The following CSMD1 variants were observed in gnomAD, a reference collection of about 807,000 sequenced individuals.
The protein encoded by CSMD1 is CUB and sushi domain-containing protein 1.
In CSMD1, 213 loss-of-function variants were observed where a neutral mutation model predicts 417.5. The observed-to-expected ratio is 0.51, with a 90% confidence interval of 0.46 to 0.57. The LOEUF (loss-of-function observed/expected upper bound fraction) is 0.57. Ranked by LOEUF, CSMD1 falls within the 20% of genes least tolerant of loss-of-function variation. CSMD1 has a pLI of 0.00. For missense variants in CSMD1, 6,923 were observed against 4,529.7 expected (o/e 1.53, Z -15.17); for synonymous variants, 2,862 against 1,736.8 (o/e 1.65, Z -16.11).
intron 22 of CSMD1, among the ~76,000 whole-genome samples, chr8:3,345,168 A>G (rs1371603349): frequency 6.6e-6 from 1 of 152,200 alleles, no homozygotes; most frequent in Non-Finnish European, 1.5e-5. Flanking sequence ...GTCCTGACAC[A>G]CTGTAGGTTC....
chr8:4,824,087 C>CACAT (rs1799675979), intron 1 of CSMD1, among the ~76,000 whole-genome samples: 1 of 131,410 alleles, frequency 7.6e-6, no homozygotes, highest in South Asian at 2.3e-4. Flanking sequence ...AATATCCACA[C>CACAT]ACACACACAC....
At chr8:3,733,352 T>C (rs967008970) in intron 6 of CSMD1, among the ~76,000 whole-genome samples, 1 of 147,836 alleles carries the variant, frequency 6.8e-6, no homozygotes, top group Non-Finnish European at 1.5e-5. Flanking sequence ...ATATATATTA[T>C]ATATATAATA....
chr8:3,941,412 A>T (rs1275905493), intron 5 of CSMD1, among the ~76,000 whole-genome samples: 1 of 152,164 alleles, frequency 6.6e-6, no homozygotes, highest in Non-Finnish European at 1.5e-5. Context: ...AAAATTGTAA[A>T]TATTTCTGTC....
chr8:4,702,853 C>A (rs1241430096), intron 1 of CSMD1, among the ~76,000 whole-genome samples: 2 of 151,948 alleles, frequency 1.3e-5, no homozygotes, highest in Non-Finnish European at 2.9e-5. Flanking sequence ...TAATGGATAA[C>A]ATTATTAAAG....
At chr8:4,446,742 T>G (rs929768423) in intron 2 of CSMD1, among the ~76,000 whole-genome samples, 1 of 116,454 alleles carries the variant, frequency 8.6e-6, no homozygotes, top group Admixed American at 9.1e-5. Flanking sequence ...TCTGTGTGTG[T>G]GTGTGTGTGT....
chr8:4,364,621 G>A (rs557537176), intron 3 of CSMD1, among the ~76,000 whole-genome samples: 1 of 18,272 alleles, frequency 5.5e-5, no homozygotes, highest in African/African-American at 8.6e-4. Context: ...TCAGGAGATC[G>A]AGACCATCCC....
intron 2 of CSMD1, among the ~76,000 whole-genome samples, chr8:4,489,733 G>A (rs1053998220): frequency 1.3e-5 from 2 of 152,174 alleles, no homozygotes; most frequent in African/African-American, 4.8e-5. Context: ...TGGCTGGCAG[G>A]GAAGAAGCAG....
At chr8:3,680,356 T>C (rs577878009) in intron 7 of CSMD1, among the ~76,000 whole-genome samples, 3 of 152,140 alleles carry the variant, frequency 2.0e-5, no homozygotes, top group East Asian at 1.9e-4. Context: ...AAAGGGTATA[T>C]CACCACTGAT....
intron 6 of CSMD1, among the ~76,000 whole-genome samples, chr8:3,716,124 C>T (rs186880034): frequency 6.6e-6 from 1 of 152,312 alleles, no homozygotes; most frequent in Non-Finnish European, 1.5e-5. Context: ...TTCCAGAACT[C>T]CACCCTGTTT....
intron 5 of CSMD1, among the ~76,000 whole-genome samples, chr8:3,962,675 G>C (rs890141886): frequency 6.6e-6 from 1 of 152,154 alleles, no homozygotes; most frequent in Non-Finnish European, 1.5e-5. Context: ...AATCAGAGCA[G>C]CTGGGTGGGG....
At chr8:3,359,390 CAA>C in intron 20 of CSMD1, 50 bp from the exon 21 acceptor site, 1 of 886,426 alleles carries the variant, frequency 1.1e-6, no homozygotes, top group Non-Finnish European at 1.6e-6. Flanking sequence ...GGTAAATACA[CAA>C]AGATTAAATA....
At chr8:3,827,227 C>T (rs1234646041) in intron 5 of CSMD1, among the ~76,000 whole-genome samples, 4 of 152,144 alleles carry the variant, frequency 2.6e-5, no homozygotes, top group Non-Finnish European at 2.9e-5. Flanking sequence ...GTCTTTCATA[C>T]CGACTTTTTC....
At chr8:4,064,160 A>T (rs1033041031) in intron 3 of CSMD1, among the ~76,000 whole-genome samples, 1 of 152,186 alleles carries the variant, frequency 6.6e-6, no homozygotes, top group South Asian at 2.1e-4. Context: ...CAAAAGTTTG[A>T]CTATGAAAAG....
chr8:3,558,414 G>GT (rs1799283781), intron 10 of CSMD1, among the ~76,000 whole-genome samples: 2 of 149,406 alleles, frequency 1.3e-5, no homozygotes, highest in African/African-American at 5.0e-5. Context: ...GATGAACGGT[G>GT]CCTCAATGGT....
chr8:3,043,929 T>C (rs1811272593), intron 50 of CSMD1: 1 of 152,308 alleles, frequency 6.6e-6, no homozygotes, highest in South Asian at 2.1e-4. Flanking sequence ...GTATAAATAT[T>C]CATAAATAAA....
intron 3 of CSMD1, among the ~76,000 whole-genome samples, chr8:4,261,240 A>G (rs2128841332): frequency 6.6e-6 from 1 of 152,332 alleles, no homozygotes. Flanking sequence ...AATCTTGTGT[A>G]GTAGACTCAA....
At chr8:4,312,738 G>T (rs537307079) in intron 3 of CSMD1, among the ~76,000 whole-genome samples, 1 of 152,170 alleles carries the variant, frequency 6.6e-6, no homozygotes, top group East Asian at 1.9e-4. Flanking sequence ...GCCAGGCGTG[G>T]TGGCAGATAC....
chr8:3,941,769 A>G (rs1261099032), intron 5 of CSMD1, among the ~76,000 whole-genome samples: 1 of 152,162 alleles, frequency 6.6e-6, no homozygotes, highest in Non-Finnish European at 1.5e-5. Flanking sequence ...GACACACACA[A>G]TTCTTTGATT....
chr8:4,574,607 A>G (rs1324964125), intron 2 of CSMD1, among the ~76,000 whole-genome samples: 2 of 152,182 alleles, frequency 1.3e-5, no homozygotes, highest in Non-Finnish European at 2.9e-5. Flanking sequence ...GTGTGTCTCA[A>G]TTTATGTGTC....
Sources: allele counts gnomAD v4.1 joint callset (sites outside exome capture counted in the v4.1 genomes callset), GRCh38; gene constraint gnomAD v4.1.1; transcripts MANE v1.5; gene names NCBI Gene and HGNC (gene_info 2026-07-23, HGNC 2026-07-21).